DNTTIP1: variants seen among roughly 807,000 people sequenced by gnomAD.
DNTTIP1 encodes deoxynucleotidyltransferase terminal-interacting protein 1.
In DNTTIP1, 22 loss-of-function variants were observed where a neutral mutation model predicts 52.9. The ratio of observed to expected loss-of-function variants is 0.42; its 90% CI spans 0.30 to 0.59. The LOEUF (loss-of-function observed/expected upper bound fraction) is 0.59, where lower values mean the gene tolerates loss of function less well. Ranked by LOEUF, DNTTIP1 falls within the 20% of genes least tolerant of loss-of-function variation. DNTTIP1 has a pLI of 0.22. For missense variants in DNTTIP1, 286 were observed against 435.5 expected (o/e 0.66, Z 3.06); for synonymous variants, 136 against 155.1 (o/e 0.88, Z 0.92).
At chr20:45,804,719 T>G (rs1157310860) in intron 8 of DNTTIP1, among the ~76,000 whole-genome samples, 2 of 152,180 alleles carry the variant, frequency 1.3e-5, no homozygotes, top group African/African-American at 4.8e-5. Flanking sequence ...CTCACCTGTC[T>G]TTGCTCATGC....
chr20:45,805,451 C>T (rs2051725536), intron 10 of DNTTIP1, 85 bp downstream of exon 10: 7 of 1,447,224 alleles, frequency 4.8e-6, no homozygotes, highest in South Asian at 1.3e-5. Flanking sequence ...TTAGAACAAA[C>T]ACTGATCTTG....
Position 45,801,308 on chromosome 20 carries a change from G to T in DNTTIP1, c.442-94G>T. 8.8e-6 allele frequency: 13 copies of T among 1,480,320 alleles called. No individual in the cohort carries two copies. The South Asian group carries it at 1.5e-4, about 17-fold the overall frequency. The allele number at this position is 1,480,320 out of a possible 1,614,324, so 91.7% of individuals were successfully genotyped here. On this transcript the variant is annotated intron_variant, in intron 5 of 12. Coordinates refer to ENST00000372622, the MANE Select transcript of DNTTIP1 (RefSeq NM_052951.3). ...TTTGGCCTGGGTCAGAGCGGGGCTG[G>T]AGAGCTGTAGTCCAGGGCTGTCTTC... is the stretch of plus-strand genomic sequence containing the variant.
At chr20:45,792,538 C>A in intron 1 of DNTTIP1, 139 bp from the exon 2 acceptor site, 1 of 653,268 alleles carries the variant, frequency 1.5e-6, no homozygotes, top group Middle Eastern at 4.2e-4. Context: ...TTACAACTAT[C>A]GTCCCACCCC....
At chr20:45,796,289 T>A (rs1275412010) in intron 4 of DNTTIP1, among the ~76,000 whole-genome samples, 1 of 152,072 alleles carries the variant, frequency 6.6e-6, no homozygotes. Context: ...ACTATGTATA[T>A]CTATGTCAAT....
intron 8 of DNTTIP1, among the ~76,000 whole-genome samples, chr20:45,804,252 C>T (rs1055723657): frequency 6.6e-6 from 1 of 152,132 alleles, no homozygotes; most frequent in Admixed American, 6.6e-5. Context: ...TTATCTTAAT[C>T]ATCTTTGCCT....
chr20:45,795,200 A>G, intron 3 of DNTTIP1, 145 bp from the exon 4 acceptor site: 1 of 524,404 alleles, frequency 1.9e-6, no homozygotes, highest in Non-Finnish European at 3.5e-6. Flanking sequence ...ATGTGAATCT[A>G]AATCTGGCTG....
chr20:45,795,835 A>T (rs961707285), intron 4 of DNTTIP1, among the ~76,000 whole-genome samples: 1 of 152,170 alleles, frequency 6.6e-6, no homozygotes, highest in Non-Finnish European at 1.5e-5. Context: ...TCTTGTCATC[A>T]GTGGTATTTT....
At chr20:45,796,217 G>C (rs1403508959) in intron 4 of DNTTIP1, among the ~76,000 whole-genome samples, 2 of 152,088 alleles carry the variant, frequency 1.3e-5, no homozygotes, top group Non-Finnish European at 2.9e-5. Context: ...TAGATCTTAA[G>C]TGTCCACACA....
intron 10 of DNTTIP1, among the ~76,000 whole-genome samples, chr20:45,808,674 A>G (rs1318059764): frequency 6.6e-6 from 1 of 152,064 alleles, no homozygotes; most frequent in African/African-American, 2.4e-5. Context: ...CAATAAACCA[A>G]CCAACCTTAT....
In DNTTIP1 at chr20:45,809,034, G is replaced by A. The variant is rs1981740829; in HGVS notation, c.724-80G>A. The A allele has an allele frequency of 1.6e-6, 2 of 1,273,082 alleles. No individual in the cohort carries two copies. The highest frequency in any genetic ancestry group is 1.1e-6 in the Non-Finnish European group (1 of 876,914). The allele number at this position is 1,273,082 out of a possible 1,614,324, so 78.9% of individuals were successfully genotyped here. A position where few individuals can be genotyped will look rare whatever the true frequency, so the allele number is the denominator to read the frequency against. On this transcript the variant is annotated intron_variant, in intron 10 of 12. Transcript: ENST00000372622. The surrounding 1 kb of genome is among the most constrained non-coding windows in gnomAD (Gnocchi z 4.2). ...AGGACTTTTGGTAAGAACTGCTCAA[G>A]GGCCAAGAGTATGCTCTGGGACCAA...
chr20:45,792,877 T>A, intron 2 of DNTTIP1, 130 bp downstream of exon 2: 1 of 710,338 alleles, frequency 1.4e-6, no homozygotes, highest in Non-Finnish European at 2.2e-6. Context: ...AAGAGGAGAC[T>A]CCGATTCTGT....
chr20:45,793,098 G>T (rs1385133993), intron 2 of DNTTIP1, among the ~76,000 whole-genome samples: 3 of 152,232 alleles, frequency 2.0e-5, no homozygotes, highest in Non-Finnish European at 2.9e-5. Context: ...CTCATCAACA[G>T]ACTCTGATGA....
intron 10 of DNTTIP1, among the ~76,000 whole-genome samples, chr20:45,807,959 A>G (rs1383776565): frequency 3.9e-5 from 6 of 151,972 alleles, no homozygotes; most frequent in Non-Finnish European, 7.4e-5. Context: ...CTCAAAAAAT[A>G]TATATATCAG....
Position 45,803,485 on chromosome 20 carries a change from C to A in DNTTIP1, c.603+107C>A, listed in dbSNP as rs1981540189. ...GCAGGGGGCGAAGGGTGCATGCACA[C>A]CATTCCAGAGCCATCTGCCCCTCTC... On this transcript the variant is annotated intron_variant, in intron 8 of 12. Coordinates refer to ENST00000372622, the MANE Select transcript of DNTTIP1 (RefSeq NM_052951.3). 3.2e-6 allele frequency: 4 copies of A among 1,237,950 alleles called. No individual in the cohort carries two copies. The Admixed American group carries it at 8.0e-5, about 25-fold the overall frequency. The allele number at this position is 1,237,950 out of a possible 1,614,324, so 76.7% of individuals were successfully genotyped here.
intron 10 of DNTTIP1, among the ~76,000 whole-genome samples, chr20:45,807,350 G>A (rs1214582482): frequency 1.3e-5 from 2 of 152,024 alleles, no homozygotes; most frequent in Admixed American, 6.6e-5. Context: ...TCAAACTCCT[G>A]AGCTCAGATG....
chr20:45,792,570 G>A, intron 1 of DNTTIP1, 107 bp from the exon 2 acceptor site: 1 of 827,504 alleles, frequency 1.2e-6, no homozygotes, highest in South Asian at 1.9e-5. Flanking sequence ...GATGGTGACG[G>A]ATCTGAGAAG....
chr20:45,793,608 G>A (rs1478488051), intron 2 of DNTTIP1, among the ~76,000 whole-genome samples: 1 of 152,172 alleles, frequency 6.6e-6, no homozygotes, highest in Admixed American at 6.5e-5. Context: ...GCTGAGGCAG[G>A]AGAATTGCTT....
intron 3 of DNTTIP1, 83 bp downstream of exon 3, chr20:45,794,100 T>C: frequency 1.2e-6 from 1 of 806,290 alleles, no homozygotes; most frequent in South Asian, 2.1e-5. Context: ...GTCTGTCTCT[T>C]TCCTACATAC....
At chr20:45,810,993 C>T in intron 12 of DNTTIP1, 53 bp downstream of exon 12, 1 of 1,613,884 alleles carries the variant, frequency 6.2e-7, no homozygotes, top group South Asian at 1.1e-5. Context: ...CCAAATAGCC[C>T]CTAGAATGAG....
Sources: allele counts gnomAD v4.1 joint callset (sites outside exome capture counted in the v4.1 genomes callset), GRCh38; gene constraint gnomAD v4.1.1; non-coding constraint Gnocchi (gnomAD v3.1); transcripts MANE v1.5; gene names NCBI Gene and HGNC (gene_info 2026-07-23, HGNC 2026-07-21).